Variants in RARB observed in about 807,000 individuals in gnomAD.
RARB encodes the protein retinoic acid receptor beta.
RARB carries 17 observed loss-of-function variants against 51.9 expected under a neutral mutation model. The ratio of observed to expected loss-of-function variants is 0.33; its 90% CI spans 0.22 to 0.49. RARB has a LOEUF of 0.49. Among genes scored for constraint, RARB ranks in the 20% least tolerant of loss-of-function variants. RARB has a pLI of 0.99. For missense variants in RARB, 369 were observed against 550.8 expected (o/e 0.67, Z 3.30); for synonymous variants, 215 against 195.4 (o/e 1.10, Z -0.84).
At chr3:25,526,910 T>C (rs1698675271) in intron 3 of RARB, among the ~76,000 whole-genome samples, 1 of 152,206 alleles carries the variant, frequency 6.6e-6, no homozygotes, top group South Asian at 2.1e-4. Context: ...ATGAATGTTC[T>C]TGCCAGAAAA....
At chr3:25,104,325 A>G (rs966728677) in intron 3 of RARB, among the ~76,000 whole-genome samples, 5 of 152,136 alleles carry the variant, frequency 3.3e-5, no homozygotes, top group Non-Finnish European at 7.4e-5. Context: ...TATCTACTGA[A>G]CATGCACTCA....
chr3:25,379,190 G>A (rs1027614736), intron 5 of RARB, among the ~76,000 whole-genome samples: 2 of 152,136 alleles, frequency 1.3e-5, no homozygotes, highest in Non-Finnish European at 2.9e-5. Flanking sequence ...CACGTTGACA[G>A]GTAGCTGCCA....
intron 2 of RARB, among the ~76,000 whole-genome samples, chr3:25,464,074 A>G (rs1311877061): frequency 2.0e-5 from 3 of 152,246 alleles, no homozygotes; most frequent in African/African-American, 7.2e-5. Context: ...CAATATATAA[A>G]TAAATGATTT....
chr3:25,401,943 ATTTTTGTTATTTTTAGTAG>A (rs1361824089), intron 5 of RARB, among the ~76,000 whole-genome samples: 1 of 151,958 alleles, frequency 6.6e-6, no homozygotes, highest in Non-Finnish European at 1.5e-5. Context: ...AGCTTGGCTA[ATTTTTGTTATTTTTAGTAG>A]AGACAGGGTT....
intron 2 of RARB, among the ~76,000 whole-genome samples, chr3:24,870,026 T>G (rs946994147): frequency 6.6e-6 from 1 of 152,094 alleles, no homozygotes; most frequent in Non-Finnish European, 1.5e-5. Flanking sequence ...TCAGTGAACA[T>G]TTACGCTGCA....
chr3:25,315,605 G>A (rs146479778), intron 5 of RARB, among the ~76,000 whole-genome samples: 28 of 152,176 alleles, frequency 1.8e-4, no homozygotes, highest in African/African-American at 6.5e-4. Context: ...GATGCATAGT[G>A]CTTCCTGCCT....
chr3:25,234,058 G>A (rs1452581297), intron 5 of RARB, among the ~76,000 whole-genome samples: 2 of 151,988 alleles, frequency 1.3e-5, no homozygotes, highest in Non-Finnish European at 2.9e-5. Context: ...TTGCTTTAGG[G>A]TAATGTTGGC....
intron 5 of RARB, among the ~76,000 whole-genome samples, chr3:25,225,661 A>G (rs1702040834): frequency 6.6e-6 from 1 of 152,184 alleles, no homozygotes; most frequent in African/African-American, 2.4e-5. Context: ...TAAAAGTGAG[A>G]GAGAATTTTA....
intron 5 of RARB, among the ~76,000 whole-genome samples, chr3:25,299,973 G>T (rs910022211): frequency 6.6e-6 from 1 of 152,196 alleles, no homozygotes; most frequent in Non-Finnish European, 1.5e-5. Context: ...ACTGTGCATA[G>T]CATTAAATAT....
chr3:25,094,716 C>CACAAA (rs1699261773), intron 3 of RARB, among the ~76,000 whole-genome samples: 1 of 43,094 alleles, frequency 2.3e-5, no homozygotes, highest in Non-Finnish European at 3.9e-5. Context: ...GACCCCATCT[C>CACAAA]AAAAAAAAAA....
At chr3:25,537,316 G>A (rs187040824) in intron 3 of RARB, among the ~76,000 whole-genome samples, 1 of 152,324 alleles carries the variant, frequency 6.6e-6, no homozygotes, top group East Asian at 1.9e-4. Flanking sequence ...TTATGTTCTT[G>A]TAAATTACTT....
intron 5 of RARB, among the ~76,000 whole-genome samples, chr3:25,585,289 G>A (rs887466348): frequency 4.6e-5 from 7 of 152,180 alleles, no homozygotes; most frequent in Non-Finnish European, 8.8e-5. Context: ...CAGGGGTCCT[G>A]TTATTGTCCA....
chr3:25,150,813 C>T (rs920118366), intron 4 of RARB, among the ~76,000 whole-genome samples: 6 of 152,056 alleles, frequency 3.9e-5, no homozygotes, highest in Non-Finnish European at 8.8e-5. Context: ...TTTTAGAAAC[C>T]CAAGAGACAG....
intron 3 of RARB, among the ~76,000 whole-genome samples, chr3:25,083,454 C>T (rs948539116): frequency 1.1e-4 from 16 of 145,694 alleles, no homozygotes; most frequent in Non-Finnish European, 1.5e-5. Context: ...TTTTTTTTTC[C>T]AGACAGTATT....
intron 3 of RARB, among the ~76,000 whole-genome samples, chr3:25,070,157 C>T (rs73149149): frequency 0.027 from 4,159 of 152,264 alleles, 200 homozygotes; most frequent in African/African-American, 0.094. Flanking sequence ...CCTTCACCAG[C>T]GCATGGCGTT....
intron 3 of RARB, among the ~76,000 whole-genome samples, chr3:25,072,869 G>C (rs1009486362): frequency 2.6e-5 from 4 of 151,680 alleles, no homozygotes; most frequent in Non-Finnish European, 5.9e-5. Context: ...CCACCACGCC[G>C]GGCTAATTTT....
At chr3:25,106,451 G>GGTTTTTTTTTTTTTTTTTTTTT (rs1575163102) in intron 3 of RARB, among the ~76,000 whole-genome samples, 3 of 70,536 alleles carry the variant, frequency 4.3e-5, no homozygotes, top group African/African-American at 6.2e-5. Context: ...ACTGTTTTTT[G>GGTTTTTTTTTTTTTTTTTTTTT]TTTTTTGTTT....
At position 24,902,480 on chromosome 3, in the gene RARB, G is replaced by A. The variant is rs937325360; in HGVS notation, c.-380+43728G>A. On this transcript the variant is annotated intron_variant, in intron 2 of 11. Transcript: ENST00000383772. ...CCTCCCAAATCTTGGCTTATTGGCA[G>A]TGCTTTAAGGTTTAGACATGTTCTG... Among the ~76,000 whole-genome samples, 4 of 152,092 alleles carry A rather than the reference G, an allele frequency of 2.6e-5. No individual in the cohort carries two copies. In the South Asian group the frequency reaches 8.3e-4, roughly 32 times the overall value.
chr3:25,205,393 C>T (rs528542244), intron 5 of RARB, among the ~76,000 whole-genome samples: 13 of 152,178 alleles, frequency 8.5e-5, no homozygotes, highest in African/African-American at 3.1e-4. Context: ...AATGCCTCAC[C>T]CTGCTTTGGC....
Sources: gnomAD v4.1 joint callset for allele counts (sites outside exome capture counted in the v4.1 genomes callset) on GRCh38, gnomAD v4.1.1 for gene constraint, MANE v1.5 for transcripts, NCBI Gene and HGNC (gene_info 2026-07-23, HGNC 2026-07-21) for gene names.